Variants in OPRM1 observed in about 807,000 individuals in gnomAD.
OPRM1 encodes the protein mu-type opioid receptor.
OPRM1 carries 27 observed loss-of-function variants against 31.8 expected under a neutral mutation model. The ratio of observed to expected loss-of-function variants is 0.85; its 90% CI spans 0.63 to 1.17. The LOEUF is 1.17. Ranked by LOEUF, OPRM1 falls within the 50% of genes most tolerant of loss-of-function variation. The pLI, the probability that OPRM1 is intolerant of heterozygous loss-of-function variation, is 0.00. For missense variants in OPRM1, 536 were observed against 511.1 expected, an observed-to-expected ratio of 1.05 and a Z score of -0.47; for synonymous variants, 196 against 189.9, an observed-to-expected ratio of 1.03 and a Z score of -0.26.
chr6:154,181,386 A>G (rs1800855535), intron 3 of OPRM1, among the ~76,000 whole-genome samples: 1 of 152,170 alleles, frequency 6.6e-6, no homozygotes, highest in Non-Finnish European at 1.5e-5. Flanking sequence ...CACTTCTATG[A>G]GAAGTGTTAA....
rs961516962 is a variant in OPRM1, at chr6:154,168,797, G to A, written c.1164+77325G>A. ...ATTTTTATATTTTTAGTACAGACAG[G>A]GTTTCACCATGTTGCCCAGGCTGGT... On this transcript the variant is annotated intron_variant, in intron 3 of 3. Coordinates refer to the OPRM1 transcript ENST00000337049. The surrounding 1 kb of genome is among the most constrained non-coding windows in gnomAD (Gnocchi z 4.1). Among the ~76,000 whole-genome samples, 2 of 151,880 alleles carry A rather than the reference G, an allele frequency of 1.3e-5. No homozygotes were observed. Among genetic ancestry groups the A allele is most frequent in the African/African-American group, 4.8e-5 (2 of 41,446 alleles).
intron 1 of OPRM1, among the ~76,000 whole-genome samples, chr6:154,050,801 A>G (rs964173439): frequency 7.9e-5 from 12 of 152,194 alleles, no homozygotes; most frequent in Non-Finnish European, 1.6e-4. Context: ...GCTTGAGGGG[A>G]TGGATACCTC....
In OPRM1 at chr6:154,052,045, G is replaced by A. The variant is rs550237420; in HGVS notation, c.290+12211G>A. ...TTTTGCAGGGACATGGATGAAGCTGGAAGCCATCATCCTCAGCAAGCTGAC... is the reference window on the plus strand; with the variant it reads ...TTTTGCAGGGACATGGATGAAGCTGAAAGCCATCATCCTCAGCAAGCTGAC... On this transcript the variant is annotated intron_variant, in intron 1 of 3. Transcript: ENST00000330432. Among the ~76,000 whole-genome samples, 32 of 152,316 alleles carry A rather than the reference G, an allele frequency of 2.1e-4. 1 individual carries two copies. In the East Asian group the frequency reaches 5.8e-3, roughly 28 times the overall value.
intron 3 of OPRM1, among the ~76,000 whole-genome samples, chr6:154,118,066 A>G (rs574192734): frequency 6.6e-6 from 1 of 152,330 alleles, no homozygotes; most frequent in African/African-American, 2.4e-5. Context: ...GTTAATTACA[A>G]AACTTATTCT....
chr6:154,168,038 A>G lies in OPRM1; in HGVS notation c.1164+76566A>G, dbSNP rs755341659. On this transcript the variant is annotated intron_variant, in intron 3 of 3. Coordinates refer to the OPRM1 transcript ENST00000337049. The surrounding 1 kb of genome is among the most constrained non-coding windows in gnomAD (Gnocchi z 4.1). ...TTTAGTCGAAGGTCGTCGGTCCCCA[A>G]GAGGAGATAGACTAGCTTGCTCTAA... The G allele has an allele frequency of 6.2e-7, 1 of 1,611,144 alleles. No homozygotes were observed. The highest frequency in any genetic ancestry group is 1.1e-5 in the South Asian group (1 of 90,808).
At chr6:154,199,676 A>T in intron 3 of OPRM1, 1 of 1,605,424 alleles carries the variant, frequency 6.2e-7, no homozygotes, top group Non-Finnish European at 8.5e-7. Flanking sequence ...ACCTTTGTCC[A>T]TGATCTTTGA....
At position 154,221,731 on chromosome 6, in the gene OPRM1, G is replaced by A. The variant is rs111596135; in HGVS notation, c.1165-24962G>A. 3.1e-3 allele frequency among the ~76,000 whole-genome samples: 470 copies of A among 152,090 alleles called. 3 individuals carry two copies. The highest frequency in any genetic ancestry group is 0.011 in the African/African-American group (449 of 41,482). ...TACTAAATATACAAAAAAATTAGCC[G>A]GGCATGGTGGCGGGCACCTCTAGTC... On this transcript the variant is annotated intron_variant, in intron 3 of 3. Transcript: ENST00000337049.
chr6:154,082,168 AT>A (rs1789312724), intron 1 of OPRM1, among the ~76,000 whole-genome samples: 1 of 152,194 alleles, frequency 6.6e-6, no homozygotes, highest in Non-Finnish European at 1.5e-5. Flanking sequence ...TAAGAAAAAA[AT>A]GTTTTGTCTT....
rs903102766 is a variant in OPRM1 at position 154,132,210 on chromosome 6, G to C, written c.*13489G>C. On this transcript the variant is annotated 3_prime_UTR_variant, in exon 4 of 4. Transcript: ENST00000330432. Reference sequence around the variant, plus strand: ...TACTCCTATTTGACTGTTTCAGATAGTTGTATATAAAAAATATAAATTTTT... The same window carrying C: ...TACTCCTATTTGACTGTTTCAGATACTTGTATATAAAAAATATAAATTTTT... Among the ~76,000 whole-genome samples, 1 of 152,100 alleles carries C rather than the reference G, an allele frequency of 6.6e-6. No homozygotes were observed.
chr6:154,099,100 C>T (rs1373230236), intron 3 of OPRM1, among the ~76,000 whole-genome samples: 1 of 151,914 alleles, frequency 6.6e-6, no homozygotes, highest in Non-Finnish European at 1.5e-5. Context: ...GGCAACCTGA[C>T]GAAAGTCGAT....
chr6:154,150,620 T>G (rs1798475186), intron 3 of OPRM1, among the ~76,000 whole-genome samples: 1 of 152,236 alleles, frequency 6.6e-6, no homozygotes, highest in South Asian at 2.1e-4. Context: ...AGTCCACCTC[T>G]GTTGCAGGCT....
intron 3 of OPRM1, among the ~76,000 whole-genome samples, chr6:154,238,013 T>C (rs1185938576): frequency 6.6e-6 from 1 of 152,210 alleles, no homozygotes; most frequent in Non-Finnish European, 1.5e-5. Flanking sequence ...TGATTTTAGA[T>C]TCTATGCATT....
At chr6:154,052,136 G>A (rs563450771) in intron 1 of OPRM1, among the ~76,000 whole-genome samples, 6 of 152,030 alleles carry the variant, frequency 3.9e-5, no homozygotes, top group Non-Finnish European at 7.4e-5. Flanking sequence ...ATGAGAACAC[G>A]TGGACACAGG....
intron 1 of OPRM1, among the ~76,000 whole-genome samples, chr6:154,070,168 G>T (rs1235369993): frequency 6.6e-6 from 1 of 152,204 alleles, no homozygotes; most frequent in Non-Finnish European, 1.5e-5. Context: ...TGCCTACCCT[G>T]GCTCCCACAA....
intron 3 of OPRM1, among the ~76,000 whole-genome samples, chr6:154,174,655 C>T (rs1414351279): frequency 1.3e-5 from 2 of 152,152 alleles, no homozygotes; most frequent in African/African-American, 4.8e-5. Context: ...AATACAGGAG[C>T]ACCCAGATTC....
At chr6:154,067,048 GATT>G (rs1275325355) in intron 1 of OPRM1, among the ~76,000 whole-genome samples, 2 of 151,972 alleles carry the variant, frequency 1.3e-5, no homozygotes, top group Admixed American at 6.6e-5. Flanking sequence ...GTAGTGATCT[GATT>G]ATTGTCTATT....
chr6:154,228,062 C>A (rs1036440891), intron 3 of OPRM1, among the ~76,000 whole-genome samples: 1 of 152,146 alleles, frequency 6.6e-6, no homozygotes, highest in African/African-American at 2.4e-5. Flanking sequence ...TCTCTTCCTC[C>A]TCCTTTTCCT....
chr6:154,039,718 G>C lies in OPRM1; in HGVS notation c.174G>C (p.Leu58=), dbSNP rs201511978. 1 of 1,612,408 alleles carries C rather than the reference G, an allele frequency of 6.2e-7. No homozygotes were observed. Among genetic ancestry groups the C allele is most frequent in the African/African-American group, 1.3e-5 (1 of 75,070 alleles). The change falls in exon 1 of 4, where the codon CTG becomes CTC. Residue 58 remains leucine (L), a synonymous_variant. Transcript: ENST00000330432. ...CCGACCTGGGCGGGAGAGACAGCCTGTGCCCTCCGACCGGCAGTCCCTCCA... is the reference window on the plus strand; with the variant it reads ...CCGACCTGGGCGGGAGAGACAGCCTCTGCCCTCCGACCGGCAGTCCCTCCA... The part of the protein sequence containing the change: ...NRTDLGGRDS[L]CPPTGSPSMI...
At chr6:154,209,228 T>C (rs1184765527) in intron 3 of OPRM1, among the ~76,000 whole-genome samples, 1 of 152,236 alleles carries the variant, frequency 6.6e-6, no homozygotes, top group Non-Finnish European at 1.5e-5. Context: ...AAAATGGAAG[T>C]ACATCACCCA....
Sources: allele counts gnomAD v4.1 joint callset (sites outside exome capture counted in the v4.1 genomes callset), GRCh38; gene constraint gnomAD v4.1.1; non-coding constraint Gnocchi (gnomAD v3.1); transcripts MANE v1.5; gene names NCBI Gene and HGNC (gene_info 2026-07-23, HGNC 2026-07-21).